Variants in WWOX observed in about 807,000 individuals in gnomAD.
The protein encoded by WWOX is WW domain-containing oxidoreductase.
WWOX carries 69 observed loss-of-function variants against 46.2 expected under a neutral mutation model. That is an observed-to-expected ratio of 1.49 (90% CI 1.23 to 1.82). WWOX has a LOEUF of 1.82. Ranked by LOEUF, WWOX falls within the 40% of genes most tolerant of loss-of-function variation. WWOX has a pLI of 0.00. For synonymous variants in WWOX, 359 were observed against 202.6 expected (o/e 1.77, Z -6.56); for missense variants, 919 against 542.6 (o/e 1.69, Z -6.89).
At chr16:78,952,698 T>C (rs1020758775) in intron 8 of WWOX, among the ~76,000 whole-genome samples, 2 of 152,162 alleles carry the variant, frequency 1.3e-5, no homozygotes, top group Admixed American at 6.6e-5. Flanking sequence ...TTTGTGTTTG[T>C]TTATTAATTC....
intron 8 of WWOX, chr16:78,896,202 C>G (rs1464897214): frequency 6.6e-6 from 1 of 151,414 alleles, no homozygotes; most frequent in African/African-American, 2.4e-5. Context: ...ATAATTATAT[C>G]CGGAATGCAC....
chr16:78,524,438 TTGAGA>T (rs2043415099), intron 8 of WWOX, among the ~76,000 whole-genome samples: 1 of 151,852 alleles, frequency 6.6e-6, no homozygotes, highest in East Asian at 1.9e-4. Flanking sequence ...ATTTGTTTGT[TTGAGA>T]TGAGTCTTGC....
chr16:78,578,693 A>G (rs1468270367), intron 8 of WWOX, among the ~76,000 whole-genome samples: 1 of 152,194 alleles, frequency 6.6e-6, no homozygotes, highest in Non-Finnish European at 1.5e-5. Context: ...ATTTATTGCC[A>G]GCTATGGGTC....
chr16:78,732,947 C>T (rs970929843), intron 8 of WWOX, among the ~76,000 whole-genome samples: 1 of 152,206 alleles, frequency 6.6e-6, no homozygotes, highest in East Asian at 1.9e-4. Flanking sequence ...CACAGCATTA[C>T]TGAGCTCGAG....
intron 8 of WWOX, among the ~76,000 whole-genome samples, chr16:78,964,717 C>T (rs1388999603): frequency 6.6e-6 from 1 of 151,832 alleles, no homozygotes; most frequent in Non-Finnish European, 1.5e-5. Flanking sequence ...TGTCTCCAGG[C>T]CATGTCAGAG....
At chr16:78,189,349 G>A (rs16947257) in intron 5 of WWOX, among the ~76,000 whole-genome samples, 30,814 of 152,192 alleles carry the variant, frequency 0.2, 3,340 homozygotes, top group East Asian at 0.33. Context: ...CTTGGTAGCC[G>A]TGGGCACTTT....
At chr16:78,965,323 C>G (rs548790707) in intron 8 of WWOX, among the ~76,000 whole-genome samples, 71 of 152,082 alleles carry the variant, frequency 4.7e-4, no homozygotes, top group Non-Finnish European at 7.1e-4. Flanking sequence ...AATCCTAGCA[C>G]GTTGGGAGGC....
intron 8 of WWOX, among the ~76,000 whole-genome samples, chr16:78,710,888 A>G (rs1353343042): frequency 1.3e-5 from 2 of 152,094 alleles, no homozygotes; most frequent in Non-Finnish European, 2.9e-5. Context: ...AAGTGCTGGG[A>G]TTACAGGTGT....
chr16:78,825,591 C>A (rs543272733), intron 8 of WWOX: 11 of 533,154 alleles, frequency 2.1e-5, no homozygotes, highest in Non-Finnish European at 3.4e-5. Flanking sequence ...GTCGAGTCTG[C>A]AGTACAAACT....
chr16:78,910,744 C>G (rs908283798), intron 8 of WWOX, among the ~76,000 whole-genome samples: 1 of 151,836 alleles, frequency 6.6e-6, no homozygotes, highest in Non-Finnish European at 1.5e-5. Context: ...ACCATCAGAT[C>G]TCGTGGGACT....
chr16:79,018,679 G>A (rs753112694), intron 8 of WWOX, among the ~76,000 whole-genome samples: 39 of 152,132 alleles, frequency 2.6e-4, no homozygotes, highest in Non-Finnish European at 4.7e-4. Context: ...ATCAATGTGG[G>A]CCGCCTCCTC....
At chr16:78,389,885 G>A (rs1361286321) in intron 6 of WWOX, among the ~76,000 whole-genome samples, 3 of 152,136 alleles carry the variant, frequency 2.0e-5, no homozygotes, top group Admixed American at 1.3e-4. Context: ...GAGTAGCTGG[G>A]ATTACAGGTG....
intron 8 of WWOX, among the ~76,000 whole-genome samples, chr16:78,531,260 G>A (rs12447688): frequency 0.044 from 6,733 of 152,230 alleles, 322 homozygotes; most frequent in African/African-American, 0.12. Flanking sequence ...CAGTGAGAGC[G>A]AGGAAGGGTT....
chr16:78,994,826 C>T (rs1030963567), intron 8 of WWOX, among the ~76,000 whole-genome samples: 6 of 151,946 alleles, frequency 3.9e-5, no homozygotes, highest in African/African-American at 1.2e-4. Flanking sequence ...CACCATTTGC[C>T]GTTGCACTAG....
In WWOX at chr16:78,345,919, G is replaced by A. The variant is rs1467951488; in HGVS notation, c.517-40941G>A. ...CATCCATTTAAATATACAATTCAAT[G>A]AGTTTTGACAGATGCACATGCCCAT... is the stretch of plus-strand genomic sequence containing the variant. On this transcript the variant is annotated intron_variant, in intron 5 of 8. Coordinates refer to ENST00000566780, the MANE Select transcript of WWOX (RefSeq NM_016373.4). Among the ~76,000 whole-genome samples the A allele has an allele frequency of 5.9e-5, 7 of 118,772 alleles. 2 individuals are homozygous for A. Among genetic ancestry groups the A allele is most frequent in the Non-Finnish European group, 1.4e-4 (7 of 50,388 alleles). 77.9% of individuals were successfully genotyped at this position (118,772 alleles called of 152,430 possible).
chr16:78,393,539 C>G (rs570066941), intron 6 of WWOX, among the ~76,000 whole-genome samples: 2 of 152,156 alleles, frequency 1.3e-5, no homozygotes, highest in African/African-American at 4.8e-5. Context: ...CCTTAAGTCC[C>G]TGATAAAATA....
chr16:79,048,302 G>T (rs1053747503), intron 8 of WWOX, among the ~76,000 whole-genome samples: 2 of 152,032 alleles, frequency 1.3e-5, no homozygotes, highest in Non-Finnish European at 2.9e-5. Context: ...AGCTCAGATG[G>T]AAGCCCAGGG....
chr16:78,750,371 G>A (rs2049446997), intron 8 of WWOX, among the ~76,000 whole-genome samples: 1 of 152,186 alleles, frequency 6.6e-6, no homozygotes, highest in Non-Finnish European at 1.5e-5. Context: ...TTGTGAACCC[G>A]AAAGGATTTC....
chr16:78,357,171 A>G (rs2081313569), intron 5 of WWOX, among the ~76,000 whole-genome samples: 1 of 152,036 alleles, frequency 6.6e-6, no homozygotes, highest in Non-Finnish European at 1.5e-5. Context: ...AAAGTTCCTG[A>G]TGTTTGAGAG....
Sources: gnomAD v4.1 joint callset for allele counts (sites outside exome capture counted in the v4.1 genomes callset) on GRCh38, gnomAD v4.1.1 for gene constraint, MANE v1.5 for transcripts, NCBI Gene and HGNC (gene_info 2026-07-23, HGNC 2026-07-21) for gene names.